The following CENPI variants were observed in gnomAD, a reference collection of about 807,000 sequenced individuals.
CENPI encodes centromere protein I.
CENPI carries 4 observed loss-of-function variants against 60.4 expected under a neutral mutation model. The ratio of observed to expected loss-of-function variants is 0.07; its 90% CI spans 0.03 to 0.15. CENPI has a LOEUF of 0.15. Among genes scored for constraint, CENPI ranks in the 10% least tolerant of loss-of-function variants. The pLI, the probability that CENPI is intolerant of heterozygous loss-of-function variation, is 1.00. For synonymous variants in CENPI, 157 were observed against 189.4 expected (o/e 0.83, Z 1.40); for missense variants, 444 against 534.5 (o/e 0.83, Z 1.67).
intron 8 of CENPI, among the ~76,000 whole-genome samples, chrX:101,122,165 G>A (rs1208166480): frequency 9.0e-6 from 1 of 111,573 alleles, no homozygotes; most frequent in Non-Finnish European, 1.9e-5. Flanking sequence ...TTCTCTGACT[G>A]TTATCTCTGG....
At chrX:101,147,123 A>G (rs1373255652) in intron 18 of CENPI, among the ~76,000 whole-genome samples, 1 of 112,148 alleles carries the variant, frequency 8.9e-6, no homozygotes, top group East Asian at 2.8e-4. Flanking sequence ...TTCTCAGACA[A>G]GAATTTCCTG....
Position 101,132,251 on chromosome X carries a change from G to C in CENPI, c.1349G>C (p.Cys450Ser). ...YKSLPLWDGL[C>S]CRSQFLQLVS... ...AGCCTTCCTCTCTGGGATGGCCTTT[G>C]TTGTCGGTCACAGTTCCTTCAGCTT... Residue 450 changes from cysteine (C) to serine (S), a missense_variant, in exon 14 of 22, where the codon TGT becomes TCT. Physicochemically the swap from Cys to Ser is moderately radical, Grantham distance 112. Transcript: ENST00000682095. 1 of 1,210,192 alleles carries C rather than the reference G, an allele frequency of 8.3e-7. No individual in the cohort carries two copies. Among genetic ancestry groups the C allele is most frequent in the Non-Finnish European group, 1.1e-6 (1 of 894,845 alleles).
chrX:101,175,208 A>G, the CENPI span, among the ~76,000 whole-genome samples: 2 of 112,680 alleles, frequency 1.8e-5, no homozygotes, highest in Admixed American at 9.4e-5. Flanking sequence ...TCAATAACTT[A>G]ACCCCATTTT....
At chrX:101,110,966 C>T (rs1432612509) in intron 6 of CENPI, among the ~76,000 whole-genome samples, 1 of 111,085 alleles carries the variant, frequency 9.0e-6, no homozygotes, top group African/African-American at 3.3e-5. Context: ...ATATTTCAAG[C>T]AAAGTTGTGA....
At chrX:101,102,516 C>CACACACATAT (rs778560144) in intron 4 of CENPI, 105 bp downstream of exon 4, 33 of 210,482 alleles carry the variant, frequency 1.6e-4, no homozygotes, top group East Asian at 3.2e-4. Context: ...CACACACACA[C>CACACACATAT]ATATATATAT....
At position 101,124,069 on chromosome X, in the gene CENPI, A is replaced by C. The variant is rs1215014643; in HGVS notation, c.688-2640A>C. ...CCTGTTTCCTGTCTTATGTGGTTGC[A>C]CGGTTGTACATATAGAATCAAGTGT... On this transcript the variant is annotated intron_variant, in intron 8 of 21. Transcript: ENST00000682095. Among the ~76,000 whole-genome samples the C allele has an allele frequency of 9.7e-5, 10 of 102,944 alleles. No homozygotes were observed. In the Admixed American group the frequency reaches 1.1e-3, roughly 11 times the overall value. The allele number at this position is 102,944 out of a possible 115,157, so 89.4% of individuals were successfully genotyped here.
At chrX:101,144,973 C>T in intron 16 of CENPI, 91 bp from the exon 17 acceptor site, 2 of 756,130 alleles carry the variant, frequency 2.6e-6, no homozygotes, top group Non-Finnish European at 3.8e-6. Context: ...AAATCCTCAC[C>T]AACATTTTGC....
chrX:101,128,183 A>C (rs2148191202), intron 11 of CENPI, among the ~76,000 whole-genome samples: 1 of 111,562 alleles, frequency 9.0e-6, no homozygotes, highest in South Asian at 3.8e-4. Flanking sequence ...AAAAATCTAA[A>C]TTTAGCTGGG....
chrX:101,128,512 A>C (rs2089760606), intron 11 of CENPI, among the ~76,000 whole-genome samples: 1 of 111,489 alleles, frequency 9.0e-6, no homozygotes, highest in East Asian at 2.8e-4. Context: ...CAAAACAAAA[A>C]AAAATTATTT....
At position 101,127,602 on chromosome X, in the gene CENPI, A is replaced by G; in HGVS notation, c.1011A>G (p.Gly337=). The G allele has an allele frequency of 1.1e-5, 13 of 1,199,115 alleles. No individual in the cohort carries two copies. The highest frequency in any genetic ancestry group is 1.5e-5 in the Non-Finnish European group (13 of 887,839). ...MSLSDCLNRS[G]SFPLEQLQSF... ...TTTCTGATTGTCTGAATAGAAGTGGATCATTTCCACTAGAACAACTTCAAA... is the reference window on the plus strand; with the variant it reads ...TTTCTGATTGTCTGAATAGAAGTGGGTCATTTCCACTAGAACAACTTCAAA... Residue 337 remains glycine, a synonymous_variant, in exon 11 of 22, where the codon GGA becomes GGG. Transcript: ENST00000682095.
chrX:101,108,925 G>GCT (rs1243638298), intron 4 of CENPI, among the ~76,000 whole-genome samples: 13 of 111,054 alleles, frequency 1.2e-4, no homozygotes, highest in Middle Eastern at 9.3e-3. Context: ...AGGATTATAG[G>GCT]CATGAGCCAC....
At chrX:101,170,429 T>C (rs1351202791), downstream of CENPI, among the ~76,000 whole-genome samples, 3 of 111,814 alleles carry the variant, frequency 2.7e-5, no homozygotes, top group Non-Finnish European at 5.6e-5. Context: ...AAAAGAATTA[T>C]ACTTCATGAC....
intron 15 of CENPI, 62 bp downstream of exon 15, chrX:101,132,518 C>T: frequency 1.1e-6 from 1 of 933,541 alleles, no homozygotes; most frequent in Non-Finnish European, 1.5e-6. Context: ...TAGTGGTACA[C>T]AATTCCAAAC....
intron 15 of CENPI, 62 bp from the exon 16 acceptor site, chrX:101,140,604 G>C: frequency 1.2e-6 from 1 of 850,851 alleles, no homozygotes; most frequent in Non-Finnish European, 1.7e-6. Context: ...GCCTCTGTTA[G>C]TTCTGAACAC....
the CENPI span, among the ~76,000 whole-genome samples, chrX:101,175,184 A>T: frequency 2.7e-5 from 3 of 112,603 alleles, no homozygotes; most frequent in Non-Finnish European, 1.9e-5. Flanking sequence ...GAGGATTATA[A>T]CAATTATGCT....
rs544933356 is a variant in CENPI, at chrX:101,133,329, T to G, written c.1470+873T>G. Among the ~76,000 whole-genome samples the G allele has an allele frequency of 2.3e-4, 25 of 107,773 alleles. No homozygotes were observed. The South Asian group carries it at 0.01, about 44-fold the overall frequency. 93.6% of individuals were successfully genotyped at this position (107,773 alleles called of 115,157 possible). A position where few individuals can be genotyped will look rare whatever the true frequency, so the allele number is the denominator to read the frequency against. ...GACTTCAGTTTGAATTTTTTTTTTT[T>G]TTTTTTTTTGCAATTCTGTCTCAAT... On this transcript the variant is annotated intron_variant, in intron 15 of 21. Transcript: ENST00000682095.
chrX:101,176,448 T>C, the CENPI span, among the ~76,000 whole-genome samples: 1 of 111,473 alleles, frequency 9.0e-6, no homozygotes, highest in East Asian at 2.8e-4. Flanking sequence ...TGCTATTTTT[T>C]TCTTTTTAAT....
At chrX:101,103,583 C>T (rs746188705) in intron 4 of CENPI, among the ~76,000 whole-genome samples, 2 of 111,551 alleles carry the variant, frequency 1.8e-5, no homozygotes, top group South Asian at 3.8e-4. Flanking sequence ...TCAGGTGATC[C>T]GCCCACCTCG....
At chrX:101,099,061 TC>T (rs1485419952) in intron 2 of CENPI, among the ~76,000 whole-genome samples, 1 of 111,266 alleles carries the variant, frequency 9.0e-6, no homozygotes, top group Non-Finnish European at 1.9e-5. Context: ...TTTCTTTCTT[TC>T]TGTCTCTGTC....
Sources: allele counts gnomAD v4.1 joint callset (sites outside exome capture counted in the v4.1 genomes callset), GRCh38; gene constraint gnomAD v4.1.1; transcripts MANE v1.5; gene names NCBI Gene and HGNC (gene_info 2026-07-23, HGNC 2026-07-21).